The following SLC25A17 variants were observed in gnomAD, a reference collection of about 807,000 sequenced individuals.
The protein encoded by SLC25A17 is solute carrier family 25 member 17.
SLC25A17 carries 26 observed loss-of-function variants against 38.5 expected under a neutral mutation model. The ratio of observed to expected loss-of-function variants is 0.68; its 90% CI spans 0.50 to 0.94. The LOEUF is 0.94. Ranked by LOEUF, SLC25A17 falls within the 40% of genes least tolerant of loss-of-function variation. SLC25A17 has a pLI of 0.00. For missense variants in SLC25A17, 333 were observed against 372.7 expected, an observed-to-expected ratio of 0.89 and a Z score of 0.88; for synonymous variants, 139 against 136.2, an observed-to-expected ratio of 1.02 and a Z score of -0.14.
intron 1 of SLC25A17, chr22:40,817,446 G>C (rs1272910258): frequency 6.6e-6 from 1 of 152,158 alleles, no homozygotes; most frequent in Non-Finnish European, 1.5e-5. Flanking sequence ...AGCTCATCTA[G>C]TCTCACGACT....
chr22:40,783,030 T>C (rs553272755), intron 4 of SLC25A17, among the ~76,000 whole-genome samples: 33 of 152,296 alleles, frequency 2.2e-4, no homozygotes, highest in African/African-American at 7.9e-4. Flanking sequence ...GTGATTATAA[T>C]ACTCACAGCA....
At chr22:40,807,557 G>A (rs2057540789) in intron 1 of SLC25A17, among the ~76,000 whole-genome samples, 1 of 152,114 alleles carries the variant, frequency 6.6e-6, no homozygotes, top group African/African-American at 2.4e-5. Flanking sequence ...AGACCATCTT[G>A]GCTAACATAG....
chr22:40,788,462 G>A (rs1204438883), intron 4 of SLC25A17, among the ~76,000 whole-genome samples: 2 of 152,174 alleles, frequency 1.3e-5, no homozygotes, highest in Admixed American at 1.3e-4. Flanking sequence ...GGAGGCCAAC[G>A]CAGACAGATC....
At chr22:40,776,543 A>G (rs1247027435) in intron 7 of SLC25A17, among the ~76,000 whole-genome samples, 1 of 152,226 alleles carries the variant, frequency 6.6e-6, no homozygotes, top group Non-Finnish European at 1.5e-5. Flanking sequence ...AGAAATTACA[A>G]ATGCAAACTT....
At chr22:40,807,887 C>T (rs973918894) in intron 1 of SLC25A17, among the ~76,000 whole-genome samples, 5 of 151,984 alleles carry the variant, frequency 3.3e-5, no homozygotes, top group Admixed American at 2.6e-4. Context: ...GCAGCTGTTA[C>T]CTGAAGCAAA....
intron 6 of SLC25A17, 41 bp downstream of exon 6, chr22:40,777,187 T>A (rs1193771974): frequency 1.9e-6 from 3 of 1,613,580 alleles, no homozygotes; most frequent in Non-Finnish European, 2.5e-6. Flanking sequence ...CAAGAAGGTG[T>A]CAGACAGAAT....
chr22:40,790,821 T>C (rs2057379163), intron 4 of SLC25A17, among the ~76,000 whole-genome samples: 1 of 152,210 alleles, frequency 6.6e-6, no homozygotes, highest in African/African-American at 2.4e-5. Flanking sequence ...ACATATAAAC[T>C]AATCTAAAAT....
At chr22:40,811,357 C>G (rs2057579353) in intron 1 of SLC25A17, among the ~76,000 whole-genome samples, 1 of 151,814 alleles carries the variant, frequency 6.6e-6, no homozygotes, top group African/African-American at 2.4e-5. Flanking sequence ...TCCCGAAGTG[C>G]TGGGATTACA....
intron 7 of SLC25A17, among the ~76,000 whole-genome samples, chr22:40,775,805 T>C (rs2145646572): frequency 6.6e-6 from 1 of 152,322 alleles, no homozygotes; most frequent in South Asian, 2.1e-4. Flanking sequence ...GCACTTGTCC[T>C]TGCTGCCGCC....
chr22:40,771,385 C>T (rs918323305), intron 8 of SLC25A17, among the ~76,000 whole-genome samples: 4 of 152,224 alleles, frequency 2.6e-5, no homozygotes, highest in African/African-American at 9.6e-5. Context: ...GCTGGGATTA[C>T]AGGTGTGAGC....
chr22:40,783,457 C>T (rs1426802597), intron 4 of SLC25A17, among the ~76,000 whole-genome samples: 3 of 152,186 alleles, frequency 2.0e-5, no homozygotes, highest in Non-Finnish European at 4.4e-5. Context: ...TTCACTTTCA[C>T]ACCTGTTTTA....
At chr22:40,815,390 G>T (rs1439963124) in intron 1 of SLC25A17, among the ~76,000 whole-genome samples, 2 of 152,178 alleles carry the variant, frequency 1.3e-5, no homozygotes, top group Admixed American at 6.5e-5. Flanking sequence ...TTTCCTCTGA[G>T]ACCAGCAGAA....
chr22:40,801,125 TTAC>T (rs1427938969), intron 1 of SLC25A17, among the ~76,000 whole-genome samples: 507 of 49,546 alleles, frequency 0.01, 13 homozygotes, highest in African/African-American at 0.04. Flanking sequence ...AAAAAATATA[TTAC>T]ATATATATAT....
chr22:40,794,627 ATT>A, intron 2 of SLC25A17, 47 bp from the exon 3 acceptor site: 3 of 1,198,588 alleles, frequency 2.5e-6, no homozygotes, highest in South Asian at 1.5e-5. Flanking sequence ...TAAAAAAAAA[ATT>A]TTTTTTTTGA....
intron 1 of SLC25A17, among the ~76,000 whole-genome samples, chr22:40,802,922 G>T (rs1451834272): frequency 6.6e-6 from 1 of 152,098 alleles, no homozygotes; most frequent in East Asian, 1.9e-4. Flanking sequence ...TGTTTATAGG[G>T]TGCAGTGTAG....
In SLC25A17 at chr22:40,775,370, A is replaced by G. The variant is rs6002124; in HGVS notation, c.694-1351T>C. On this transcript the variant is annotated intron_variant, in intron 7 of 8. Transcript: ENST00000435456. ...AGGGCAGGGCCAGGTGGAGATAACTAAATCATGGGGGTGGTTTCCCCTATA... is the reference window on the plus strand; with the variant it reads ...AGGGCAGGGCCAGGTGGAGATAACTGAATCATGGGGGTGGTTTCCCCTATA... 3.6e-3 allele frequency among the ~76,000 whole-genome samples: 541 copies of G among 150,878 alleles called. 5 individuals are homozygous for G. Among genetic ancestry groups the G allele is most frequent in the African/African-American group, 0.013 (520 of 41,028 alleles).
At chr22:40,775,582 G>C (rs938310302) in intron 7 of SLC25A17, among the ~76,000 whole-genome samples, 2 of 150,332 alleles carry the variant, frequency 1.3e-5, no homozygotes, top group African/African-American at 4.9e-5. Flanking sequence ...TCCTGCCTCA[G>C]CCTCCCGAGT....
intron 4 of SLC25A17, among the ~76,000 whole-genome samples, chr22:40,790,027 C>T (rs569848443): frequency 6.6e-5 from 10 of 151,920 alleles, no homozygotes; most frequent in Admixed American, 2.0e-4. Context: ...GTAATCCTAC[C>T]CCCTTCTCAC....
chr22:40,799,879 C>T (rs187938623), intron 1 of SLC25A17, among the ~76,000 whole-genome samples: 26 of 152,298 alleles, frequency 1.7e-4, no homozygotes, highest in Admixed American at 1.6e-3. Flanking sequence ...ATATGACAAA[C>T]TTAGGGGTTT....
Sources: gnomAD v4.1 joint callset for allele counts (sites outside exome capture counted in the v4.1 genomes callset) on GRCh38, gnomAD v4.1.1 for gene constraint, MANE v1.5 for transcripts, NCBI Gene and HGNC (gene_info 2026-07-23, HGNC 2026-07-21) for gene names.